PCDH15: variants seen among roughly 807,000 people sequenced by gnomAD.
PCDH15 encodes protocadherin-15.
PCDH15 carries 129 observed loss-of-function variants against 178.5 expected under a neutral mutation model. The ratio of observed to expected loss-of-function variants is 0.72; its 90% CI spans 0.63 to 0.84. PCDH15 has a LOEUF of 0.84. Among genes scored for constraint, PCDH15 ranks in the 40% least tolerant of loss-of-function variants. The pLI is 0.00. For synonymous variants in PCDH15, 800 were observed against 732.0 expected, an observed-to-expected ratio of 1.09 and a Z score of -1.50; for missense variants, 2,230 against 2,099.9, an observed-to-expected ratio of 1.06 and a Z score of -1.21.
chr10:55,275,925 T>A (rs1429421453), intron 1 of PCDH15, among the ~76,000 whole-genome samples: 1 of 151,486 alleles, frequency 6.6e-6, no homozygotes, highest in Non-Finnish European at 1.5e-5. Flanking sequence ...AATATTTAGC[T>A]CTTCTTCAGG....
intron 2 of PCDH15, among the ~76,000 whole-genome samples, chr10:55,086,821 T>G (rs1253125996): frequency 6.6e-6 from 1 of 152,048 alleles, no homozygotes; most frequent in African/African-American, 2.4e-5. Context: ...GATATTTAGA[T>G]GGTTGTATTA....
At chr10:54,469,538 T>C (rs879141882) in intron 3 of PCDH15, among the ~76,000 whole-genome samples, 1 of 152,210 alleles carries the variant, frequency 6.6e-6, no homozygotes, top group Non-Finnish European at 1.5e-5. Flanking sequence ...GGTGGTGAAG[T>C]CTTGCTGGGG....
intron 2 of PCDH15, among the ~76,000 whole-genome samples, chr10:54,998,182 T>C (rs141246920): frequency 1.3e-3 from 203 of 152,254 alleles, no homozygotes; most frequent in African/African-American, 4.5e-3. Flanking sequence ...TGGCAAAGTT[T>C]TGCCATAAAA....
At chr10:55,528,855 T>C (rs1841376328) in intron 2 of PCDH15, among the ~76,000 whole-genome samples, 1 of 152,098 alleles carries the variant, frequency 6.6e-6, no homozygotes, top group South Asian at 2.1e-4. Context: ...AGTGTAAAAC[T>C]GTTCCTATTT....
chr10:54,236,348 C>T (rs900809692), intron 9 of PCDH15, among the ~76,000 whole-genome samples: 5 of 151,782 alleles, frequency 3.3e-5, no homozygotes, highest in South Asian at 2.1e-4. Flanking sequence ...GTTAATATTT[C>T]GTGTTCCCTT....
intron 25 of PCDH15, among the ~76,000 whole-genome samples, chr10:53,936,115 G>A (rs1027744037): frequency 3.3e-5 from 5 of 152,112 alleles, no homozygotes; most frequent in African/African-American, 1.2e-4. Context: ...CATCAATCCA[G>A]GCTTCAGAAA....
intron 6 of PCDH15, among the ~76,000 whole-genome samples, chr10:54,334,657 G>T (rs1940656089): frequency 6.7e-6 from 1 of 148,358 alleles, no homozygotes; most frequent in East Asian, 2.0e-4. Context: ...TAGAAATTCA[G>T]TTCAAAAGAA....
In PCDH15 at chr10:53,934,245, G is replaced by A. The variant is rs1409536406; in HGVS notation, c.3373+4570C>T. Among the ~76,000 whole-genome samples, 3 of 152,114 alleles carry A rather than the reference G, an allele frequency of 2.0e-5. No individual in the cohort carries two copies. The East Asian group carries it at 5.8e-4, about 29-fold the overall frequency. The stretch of plus-strand genomic sequence containing the variant: ...CTTTGGGTTCAGATCACCTCTACTA[G>A]AGCATTATTTCATGCAGTCACACTA... On this transcript the variant is annotated intron_variant, in intron 25 of 37. Coordinates refer to ENST00000644397, the MANE Select transcript of PCDH15 (RefSeq NM_001384140.1).
At chr10:55,437,329 A>G (rs1046608240) in intron 2 of PCDH15, among the ~76,000 whole-genome samples, 1 of 152,206 alleles carries the variant, frequency 6.6e-6, no homozygotes, top group African/African-American at 2.4e-5. Context: ...CTCTGAAAAT[A>G]TACCCACAGC....
intron 21 of PCDH15, among the ~76,000 whole-genome samples, chr10:53,975,382 T>A (rs1300865578): frequency 1.3e-5 from 2 of 152,218 alleles, no homozygotes; most frequent in African/African-American, 4.8e-5. Flanking sequence ...GTGGCTGAAT[T>A]AATTTACATT....
chr10:54,120,602 C>T (rs1434216537), intron 15 of PCDH15, among the ~76,000 whole-genome samples: 1 of 151,818 alleles, frequency 6.6e-6, no homozygotes, highest in Non-Finnish European at 1.5e-5. Context: ...ATCTACTATG[C>T]AAACAGAAAA....
At chr10:54,396,731 T>A (rs1485570238) in intron 3 of PCDH15, among the ~76,000 whole-genome samples, 1 of 152,160 alleles carries the variant, frequency 6.6e-6, no homozygotes, top group Admixed American at 6.6e-5. Flanking sequence ...TATTTTGAAA[T>A]ATATTTCATG....
At chr10:54,866,735 T>C (rs1420866643) in intron 3 of PCDH15, among the ~76,000 whole-genome samples, 1 of 151,948 alleles carries the variant, frequency 6.6e-6, no homozygotes, top group Non-Finnish European at 1.5e-5. Flanking sequence ...AAAAGTTATG[T>C]TACATCCCTT....
chr10:54,683,555 C>A (rs1324305515), intron 1 of PCDH15, among the ~76,000 whole-genome samples: 1 of 152,016 alleles, frequency 6.6e-6, no homozygotes, highest in Non-Finnish European at 1.5e-5. Flanking sequence ...TTACTAGGAA[C>A]CTTAAATACA....
At chr10:55,184,991 T>C (rs1350935292) in intron 1 of PCDH15, among the ~76,000 whole-genome samples, 1 of 151,914 alleles carries the variant, frequency 6.6e-6, no homozygotes, top group African/African-American at 2.4e-5. Flanking sequence ...GATGTGAAAA[T>C]TCTACCATTA....
chr10:54,966,437 A>G (rs989970452), intron 2 of PCDH15, among the ~76,000 whole-genome samples: 48 of 152,110 alleles, frequency 3.2e-4, no homozygotes, highest in African/African-American at 1.1e-3. Flanking sequence ...CCTAGATGGT[A>G]TATCCTACTG....
chr10:55,490,862 T>C (rs1243411587), intron 2 of PCDH15, among the ~76,000 whole-genome samples: 2 of 151,772 alleles, frequency 1.3e-5, no homozygotes, highest in African/African-American at 4.8e-5. Context: ...GAAGTTGTTA[T>C]AAGCCAGATA....
intron 2 of PCDH15, among the ~76,000 whole-genome samples, chr10:55,557,707 G>A (rs1295471793): frequency 6.6e-6 from 1 of 152,104 alleles, no homozygotes; most frequent in Non-Finnish European, 1.5e-5. Flanking sequence ...AAGGATTGCT[G>A]CTATCTTAAA....
At chr10:54,448,737 T>C (rs2076288422) in intron 3 of PCDH15, among the ~76,000 whole-genome samples, 1 of 151,810 alleles carries the variant, frequency 6.6e-6, no homozygotes, top group African/African-American at 2.4e-5. Context: ...GGAACAGTAA[T>C]AATCTTTTCA....
Sources: allele counts gnomAD v4.1 joint callset (sites outside exome capture counted in the v4.1 genomes callset), GRCh38; gene constraint gnomAD v4.1.1; transcripts MANE v1.5; gene names NCBI Gene and HGNC (gene_info 2026-07-23, HGNC 2026-07-21).